Variants in KLHL1 observed in about 807,000 individuals in gnomAD.
The protein encoded by KLHL1 is kelch-like protein 1.
In KLHL1, 47 loss-of-function variants were observed where a neutral mutation model predicts 77.7. That is an observed-to-expected ratio of 0.60 (90% CI 0.48 to 0.77). The LOEUF (loss-of-function observed/expected upper bound fraction) is 0.77. Among genes scored for constraint, KLHL1 ranks in the 30% least tolerant of loss-of-function variants. The pLI is 0.00. For synonymous variants in KLHL1, 360 were observed against 325.2 expected, an observed-to-expected ratio of 1.11 and a Z score of -1.15; for missense variants, 925 against 910.8, an observed-to-expected ratio of 1.02 and a Z score of -0.20.
chr13:70,100,196 ATGTGGCTC>A (rs60756782), intron 1 of KLHL1, among the ~76,000 whole-genome samples: 9,933 of 151,702 alleles, frequency 0.065, 562 homozygotes, highest in East Asian at 0.32. Flanking sequence ...TTTCTTCATT[ATGTGGCTC>A]TTTCTTCTCA....
chr13:69,862,149 A>G (rs554502738), intron 5 of KLHL1, among the ~76,000 whole-genome samples: 2 of 152,154 alleles, frequency 1.3e-5, no homozygotes, highest in East Asian at 3.9e-4. Context: ...ATAACATAAT[A>G]AAGATTTTGA....
rs543864722 is a variant in KLHL1 at position 70,046,160 on chromosome 13, A to G, written c.497+61043T>C. Among the ~76,000 whole-genome samples the G allele has an allele frequency of 2.5e-3, 388 of 152,282 alleles. 2 individuals are homozygous for G. Among genetic ancestry groups the G allele is most frequent in the Non-Finnish European group, 4.4e-3 (296 of 68,028 alleles). ...TTGTAGGCAGAGGATACAACCAGTG[A>G]AAAGACAGGCAAAGGACCAGTAACA... On this transcript the variant is annotated intron_variant, in intron 1 of 10. Transcript: ENST00000377844.
At chr13:70,028,782 A>C (rs892943519) in intron 1 of KLHL1, among the ~76,000 whole-genome samples, 1 of 151,974 alleles carries the variant, frequency 6.6e-6, no homozygotes, top group Non-Finnish European at 1.5e-5. Context: ...ACTGAGACCA[A>C]CCTTCGCAAT....
At chr13:69,939,342 T>TAA (rs1170218927) in intron 4 of KLHL1, among the ~76,000 whole-genome samples, 1 of 29,400 alleles carries the variant, frequency 3.4e-5, no homozygotes, top group East Asian at 9.6e-4. Flanking sequence ...TATACATACA[T>TAA]ATATATATAT....
intron 1 of KLHL1, among the ~76,000 whole-genome samples, chr13:70,093,010 T>C (rs1887703714): frequency 6.6e-6 from 1 of 152,094 alleles, no homozygotes; most frequent in African/African-American, 2.4e-5. Context: ...TAATTTTAAA[T>C]AATAAATTAT....
At chr13:70,011,699 CAAT>C (rs1457319679) in intron 1 of KLHL1, among the ~76,000 whole-genome samples, 3 of 152,138 alleles carry the variant, frequency 2.0e-5, no homozygotes, top group African/African-American at 7.2e-5. Context: ...GATGTTGCTA[CAAT>C]ATTTCTGGTT....
At position 69,996,909 on chromosome 13, in the gene KLHL1, A is replaced by ATTTTTTTTTT. The variant is rs1566484216; in HGVS notation, c.498-21108_498-21107insAAAAAAAAAA. ...TGAAAAGTTCTTATTTTATTCATTAAATTTTTTTTTTTTTTTTTTTTTTTT... is the reference window on the plus strand; with the variant it reads ...TGAAAAGTTCTTATTTTATTCATTAATTTTTTTTTTATTTTTTTTTTTTTTTTTTTTTTTT... On this transcript the variant is annotated intron_variant, in intron 1 of 10. Coordinates refer to ENST00000377844, the MANE Select transcript of KLHL1 (RefSeq NM_020866.3). Among the ~76,000 whole-genome samples the ATTTTTTTTTT allele has an allele frequency of 4.7e-5, 5 of 106,652 alleles. No homozygotes were observed. In the East Asian group the frequency reaches 1.2e-3, roughly 25 times the overall value. The allele number at this position is 106,652 out of a possible 152,430, so 70.0% of individuals were successfully genotyped here. A position where few individuals can be genotyped will look rare whatever the true frequency, so the allele number is the denominator to read the frequency against.
intron 6 of KLHL1, among the ~76,000 whole-genome samples, chr13:69,827,729 CAAA>C (rs58504097): frequency 2.1e-4 from 15 of 73,002 alleles, no homozygotes; most frequent in African/African-American, 5.6e-4. Context: ...GACCCTGTCT[CAAA>C]AAAAAAAAAA....
chr13:69,885,817 G>GTAGAAAAAGTGCAAT (rs1466880249), intron 4 of KLHL1, among the ~76,000 whole-genome samples: 1 of 152,146 alleles, frequency 6.6e-6, no homozygotes, highest in Admixed American at 6.5e-5. Context: ...TGGGAGACAC[G>GTAGAAAAAGTGCAAT]TAGAAAAAGT....
intron 2 of KLHL1, among the ~76,000 whole-genome samples, chr13:69,970,754 C>G (rs537025572): frequency 6.6e-6 from 1 of 152,110 alleles, no homozygotes; most frequent in Non-Finnish European, 1.5e-5. Context: ...AAAGAGGAAG[C>G]AAGTCTTCAT....
At chr13:69,988,670 A>C (rs1884941645) in intron 1 of KLHL1, among the ~76,000 whole-genome samples, 1 of 152,014 alleles carries the variant, frequency 6.6e-6, no homozygotes, top group Non-Finnish European at 1.5e-5. Flanking sequence ...GGTGTGAGAT[A>C]ATATCTCATT....
chr13:69,813,669 A>G (rs1420449327), intron 6 of KLHL1, among the ~76,000 whole-genome samples: 2 of 152,126 alleles, frequency 1.3e-5, no homozygotes, highest in African/African-American at 4.8e-5. Flanking sequence ...AAAAAAATAA[A>G]ATACCTGGGA....
intron 7 of KLHL1, among the ~76,000 whole-genome samples, chr13:69,742,410 A>G (rs1370512891): frequency 6.6e-6 from 1 of 152,188 alleles, no homozygotes; most frequent in Non-Finnish European, 1.5e-5. Context: ...TGAGAGACCC[A>G]TGAAGAATTG....
intron 1 of KLHL1, among the ~76,000 whole-genome samples, chr13:70,012,993 T>C (rs1885575175): frequency 6.6e-6 from 1 of 152,146 alleles, no homozygotes; most frequent in Non-Finnish European, 1.5e-5. Context: ...TCGTTTAATT[T>C]TTCAATTCAA....
intron 1 of KLHL1, among the ~76,000 whole-genome samples, chr13:70,038,581 ATTTTTTTTTTTTT>A (rs55885952): frequency 2.7e-5 from 2 of 73,030 alleles, no homozygotes; most frequent in African/African-American, 1.1e-4. Flanking sequence ...ATTGTCATTA[ATTTTTTTTTTTTT>A]TTTTTTTTTT....
intron 9 of KLHL1, among the ~76,000 whole-genome samples, 156 bp downstream of exon 9, chr13:69,719,195 TGTGTGTGTGTGTGTGAGA>T (rs67679934): frequency 0.57 from 75,517 of 132,228 alleles, 19,643 homozygotes; most frequent in East Asian, 0.75. Flanking sequence ...TGTGTGTGTG[TGTGTGTGTGTGTGTGAGA>T]GAGAGAGAGA....
chr13:70,068,493 TATTTGA>T (rs1312226428), intron 1 of KLHL1, among the ~76,000 whole-genome samples: 9 of 73,768 alleles, frequency 1.2e-4, no homozygotes, highest in Admixed American at 8.5e-4. Flanking sequence ...CAGTGGCACA[TATTTGA>T]GTTTCAGACC....
At chr13:69,806,932 T>C (rs7991925) in intron 6 of KLHL1, among the ~76,000 whole-genome samples, 1,702 of 152,242 alleles carry the variant, frequency 0.011, 32 homozygotes, top group African/African-American at 0.039. Flanking sequence ...AAGTTGCTGA[T>C]CAGATTAAGA....
chr13:69,886,583 A>T (rs1881228637), intron 4 of KLHL1, among the ~76,000 whole-genome samples: 1 of 152,018 alleles, frequency 6.6e-6, no homozygotes, highest in Non-Finnish European at 1.5e-5. Flanking sequence ...ATTGTATCAA[A>T]CAATATAAGT....
Sources: allele counts gnomAD v4.1 joint callset (sites outside exome capture counted in the v4.1 genomes callset), GRCh38; gene constraint gnomAD v4.1.1; transcripts MANE v1.5; gene names NCBI Gene and HGNC (gene_info 2026-07-23, HGNC 2026-07-21).